Variants in RIMKLB observed in about 807,000 individuals in gnomAD.
The protein encoded by RIMKLB is ribosomal modification protein rimK like family member B, also known as beta-citrylglutamate synthase B.
In RIMKLB, 7 loss-of-function variants were observed where a neutral mutation model predicts 32.0. The observed-to-expected ratio is 0.22, with a 90% confidence interval of 0.12 to 0.41. RIMKLB has a LOEUF of 0.41. RIMKLB is among the 10% of genes least tolerant of loss of function. RIMKLB has a pLI of 1.00. For synonymous variants in RIMKLB, 172 were observed against 185.1 expected (o/e 0.93, Z 0.57); for missense variants, 289 against 498.7 (o/e 0.58, Z 4.00).
chr12:8,675,957 G>A, the RIMKLB span, among the ~76,000 whole-genome samples: 3 of 152,260 alleles, frequency 2.0e-5, no homozygotes, highest in East Asian at 5.8e-4. Flanking sequence ...TCTAGTCATT[G>A]TGCAGGACAA....
At chr12:8,758,881 G>A (rs1335342674) in intron 5 of RIMKLB, among the ~76,000 whole-genome samples, 4 of 152,108 alleles carry the variant, frequency 2.6e-5, no homozygotes, top group African/African-American at 9.7e-5. Context: ...TTTTATGTAT[G>A]AATACCAGTC....
At chr12:8,711,183 A>C (rs1944345398) in intron 1 of RIMKLB, among the ~76,000 whole-genome samples, 1 of 151,938 alleles carries the variant, frequency 6.6e-6, no homozygotes, top group South Asian at 2.1e-4. Context: ...GCAGTGAGCC[A>C]AGGTTGCGCC....
At chr12:8,758,821 C>T (rs1360461952) in intron 5 of RIMKLB, among the ~76,000 whole-genome samples, 1 of 152,072 alleles carries the variant, frequency 6.6e-6, no homozygotes, top group Admixed American at 6.6e-5. Context: ...GTTTAATTTC[C>T]ATATGTGCAT....
chr12:8,762,915 C>T (rs759647325), intron 5 of RIMKLB, among the ~76,000 whole-genome samples: 2 of 152,292 alleles, frequency 1.3e-5, no homozygotes, highest in East Asian at 1.9e-4. Flanking sequence ...TGAGCAATCA[C>T]CTGTTGACAG....
At chr12:8,700,767 A>G (rs1360113437) in intron 1 of RIMKLB, among the ~76,000 whole-genome samples, 1 of 152,210 alleles carries the variant, frequency 6.6e-6, no homozygotes, top group Admixed American at 6.5e-5. Context: ...AAGAGCCTCT[A>G]GAAATTGTAA....
chr12:8,691,545 G>T (rs145220338), intron 1 of RIMKLB, among the ~76,000 whole-genome samples: 1 of 152,180 alleles, frequency 6.6e-6, no homozygotes, highest in Non-Finnish European at 1.5e-5. Context: ...AGGAGGCAAA[G>T]GTTGGAGTAG....
At chr12:8,767,687 C>T (rs1175867729) in intron 5 of RIMKLB, among the ~76,000 whole-genome samples, 2 of 152,208 alleles carry the variant, frequency 1.3e-5, no homozygotes, top group Non-Finnish European at 2.9e-5. Context: ...CTTTCTGCTT[C>T]TAGTCGGCCC....
chr12:8,755,721 C>T (rs1253985977), intron 5 of RIMKLB, among the ~76,000 whole-genome samples: 2 of 152,124 alleles, frequency 1.3e-5, no homozygotes, highest in African/African-American at 2.4e-5. Flanking sequence ...CAAAATCCTC[C>T]GATAGGGCCG....
Position 8,773,566 on chromosome 12 carries a change from C to T in RIMKLB, c.943C>T (p.Arg315Cys), listed in dbSNP as rs1425389132. 1.2e-6 allele frequency: 2 copies of T among 1,614,256 alleles called. No homozygotes were observed. Among genetic ancestry groups the T allele is most frequent in the Admixed American group, 1.7e-5 (1 of 60,034 alleles). ...TCTACCCTCTGGCCGGCTCACCCGG[C>T]GTATGTCCCTGCTCTCCGTGGTGTC... The part of the protein sequence containing the change: ...SLLPSGRLTR[R>C]MSLLSVVSTA... Residue 315 changes from arginine to cysteine, a missense_variant, in exon 6 of 6, where the codon CGT becomes TGT. Transcript: ENST00000535829.
chr12:8,778,633 T>C (rs1313614300), downstream of RIMKLB, among the ~76,000 whole-genome samples: 1 of 152,202 alleles, frequency 6.6e-6, no homozygotes, highest in Non-Finnish European at 1.5e-5. Flanking sequence ...AACTAAACTA[T>C]CCTCTCCTCC....
At chr12:8,678,497 A>C (rs865813808), upstream of RIMKLB, among the ~76,000 whole-genome samples, 9 of 149,754 alleles carry the variant, frequency 6.0e-5, no homozygotes, top group Non-Finnish European at 1.2e-4. Context: ...CGCTCTGCTA[A>C]TTTTGTTTTT....
intron 1 of RIMKLB, among the ~76,000 whole-genome samples, chr12:8,688,897 C>T (rs775252576): frequency 1.1e-4 from 17 of 151,986 alleles, no homozygotes; most frequent in South Asian, 4.1e-4. Context: ...TGCAGTGGCA[C>T]GATCTCGGCT....
intron 2 of RIMKLB, among the ~76,000 whole-genome samples, chr12:8,714,334 A>G (rs1295337378): frequency 2.6e-5 from 4 of 152,210 alleles, no homozygotes; most frequent in Non-Finnish European, 5.9e-5. Context: ...ACTTGAACCC[A>G]CAAGTTCGAG....
intron 1 of RIMKLB, among the ~76,000 whole-genome samples, chr12:8,705,979 T>C (rs113644728): frequency 6.6e-6 from 1 of 152,168 alleles, no homozygotes; most frequent in East Asian, 1.9e-4. Flanking sequence ...GTCAACTGAT[T>C]AGATGTTAAT....
intron 3 of RIMKLB, 33 bp from the exon 4 acceptor site, chr12:8,751,924 G>C: frequency 5.9e-6 from 8 of 1,359,314 alleles, no homozygotes; most frequent in Non-Finnish European, 8.4e-6. Context: ...TTCTGCTGCT[G>C]TTTGTCTTAA....
rs1187651126 is a variant in RIMKLB at position 8,764,539 on chromosome 12, G to A, written c.698-8782G>A. The stretch of plus-strand genomic sequence containing the variant: ...CGGATAGTGACAGATTTGGAGGACC[G>A]TTGTCCGGGACAGGAGAGTAAGACT... On this transcript the variant is annotated intron_variant, in intron 5 of 5. Coordinates refer to ENST00000535829, the MANE Select transcript of RIMKLB (RefSeq NM_001297776.2). Among the ~76,000 whole-genome samples, 4 of 152,182 alleles carry A rather than the reference G, an allele frequency of 2.6e-5. No homozygotes were observed. The East Asian group carries it at 7.7e-4, about 29-fold the overall frequency.
chr12:8,753,288 T>C (rs1214143083), intron 4 of RIMKLB, among the ~76,000 whole-genome samples: 1 of 152,228 alleles, frequency 6.6e-6, no homozygotes, highest in East Asian at 1.9e-4. Context: ...TTACTTCTGC[T>C]ATATTCTCTT....
chr12:8,761,595 G>A (rs749166255), intron 5 of RIMKLB, among the ~76,000 whole-genome samples: 1 of 152,068 alleles, frequency 6.6e-6, no homozygotes, highest in Non-Finnish European at 1.5e-5. Flanking sequence ...AGCCTAATTT[G>A]TCTTTTAGTG....
At chr12:8,743,282 A>G (rs561141470) in intron 2 of RIMKLB, among the ~76,000 whole-genome samples, 9 of 147,142 alleles carry the variant, frequency 6.1e-5, no homozygotes, top group Non-Finnish European at 1.2e-4. Flanking sequence ...TGCACCTGGA[A>G]GGCAGAGGTT....
Sources: allele counts gnomAD v4.1 joint callset (sites outside exome capture counted in the v4.1 genomes callset), GRCh38; gene constraint gnomAD v4.1.1; transcripts MANE v1.5; gene names NCBI Gene and HGNC (gene_info 2026-07-23, HGNC 2026-07-21).